Variants in DOCK11 observed in about 807,000 individuals in gnomAD.
DOCK11 encodes the protein dedicator of cytokinesis protein 11.
Under a neutral mutation model 169.1 loss-of-function variants are expected in DOCK11, and 70 were observed. The ratio of observed to expected loss-of-function variants is 0.41; its 90% CI spans 0.34 to 0.51. DOCK11 has a LOEUF of 0.51. Among genes scored for constraint, DOCK11 ranks in the 20% least tolerant of loss-of-function variants. The pLI, the probability that DOCK11 is intolerant of heterozygous loss-of-function variation, is 0.10. For synonymous variants in DOCK11, 529 were observed against 541.3 expected (o/e 0.98, Z 0.32); for missense variants, 1,166 against 1,538.8 (o/e 0.76, Z 4.05).
intron 1 of DOCK11, among the ~76,000 whole-genome samples, chrX:118,501,093 T>C (rs1433734228): frequency 6.2e-5 from 7 of 112,379 alleles, no homozygotes; most frequent in African/African-American, 1.6e-4. Context: ...TTGTTTGATA[T>C]TTTGATAGTT....
intron 36 of DOCK11, 51 bp downstream of exon 36, chrX:118,636,463 T>C (rs761030395): frequency 3.0e-6 from 2 of 671,300 alleles, no homozygotes; most frequent in African/African-American, 4.5e-5. Flanking sequence ...TTGGGGAGAA[T>C]TCAACTGTTA....
chrX:118,513,697 GTTTAA>G (rs1166669771), intron 1 of DOCK11, among the ~76,000 whole-genome samples: 5 of 112,406 alleles, frequency 4.4e-5, no homozygotes, highest in African/African-American at 1.6e-4. Flanking sequence ...TTTCTGCTGG[GTTTAA>G]TTGGGAAAGA....
intron 16 of DOCK11, among the ~76,000 whole-genome samples, chrX:118,587,407 A>G (rs749299523): frequency 1.8e-5 from 2 of 111,961 alleles, no homozygotes; most frequent in African/African-American, 6.5e-5. Context: ...TGTTATAGGC[A>G]TGTATCACTG....
chrX:118,675,902 AAAC>A (rs1405797842), intron 46 of DOCK11, 31 bp from the exon 47 acceptor site: 3 of 911,758 alleles, frequency 3.3e-6, no homozygotes, highest in African/African-American at 2.0e-5. Flanking sequence ...ATTAAACAAA[AAAC>A]AAAGCTGATT....
At chrX:118,527,246 C>T (rs767530110) in intron 1 of DOCK11, among the ~76,000 whole-genome samples, 10 of 112,669 alleles carry the variant, frequency 8.9e-5, no homozygotes, top group Admixed American at 1.9e-4. Flanking sequence ...ACTATAATTA[C>T]ATCTGCTTTT....
At chrX:118,657,072 A>G (rs563943733) in intron 44 of DOCK11, among the ~76,000 whole-genome samples, 41 of 112,200 alleles carry the variant, frequency 3.7e-4, no homozygotes, top group African/African-American at 1.1e-3. Flanking sequence ...GTGCAGAGAC[A>G]TTAAAGCTAA....
rs1556332589 is a variant in DOCK11 at position 118,648,606 on chromosome X, A to AATATATAATATATAACAC, written c.4399-324_4399-323insCACATATATAATATATAA. On this transcript the variant is annotated intron_variant, in intron 40 of 52. Coordinates refer to ENST00000276202, the MANE Select transcript of DOCK11 (RefSeq NM_144658.4). ...AAATATATAATATATATAATATATT[A>AATATATAATATATAACAC]ATATATAATATATAATACATATATA... 6.2e-5 allele frequency among the ~76,000 whole-genome samples: 6 copies of AATATATAATATATAACAC among 97,505 alleles called. No homozygotes were observed. The Admixed American group carries it at 7.5e-4, about 12-fold the overall frequency. 84.7% of individuals were successfully genotyped at this position (97,505 alleles called of 115,157 possible).
intron 12 of DOCK11, among the ~76,000 whole-genome samples, chrX:118,577,612 C>T (rs1451350404): frequency 1.8e-5 from 2 of 111,661 alleles, no homozygotes; most frequent in Admixed American, 9.6e-5. Context: ...TCAGCCATTA[C>T]GCAGGATCCT....
chrX:118,561,184 C>T (rs1365059440), intron 6 of DOCK11, among the ~76,000 whole-genome samples, 199 bp from the exon 7 acceptor site: 1 of 111,749 alleles, frequency 8.9e-6, no homozygotes, highest in Non-Finnish European at 1.9e-5. Flanking sequence ...ATTTGATTAA[C>T]TGAGGGTAAA....
intron 1 of DOCK11, among the ~76,000 whole-genome samples, chrX:118,519,137 G>A (rs377574070): frequency 9.0e-5 from 10 of 111,626 alleles, no homozygotes; most frequent in East Asian, 8.4e-4. Context: ...TGACTTGTTC[G>A]GCATAATTAT....
At chrX:118,518,441 C>A (rs1158392227) in intron 1 of DOCK11, among the ~76,000 whole-genome samples, 1 of 111,578 alleles carries the variant, frequency 9.0e-6, no homozygotes, top group African/African-American at 3.3e-5. Flanking sequence ...GTTTGGTGGT[C>A]TCTGCCTGTA....
In DOCK11 at chrX:118,632,196, G is replaced by A. The variant is rs184764323; in HGVS notation, c.3886+1706G>A. ...TCTCGATCTCCTGACCTCGTGATCC[G>A]CCCACCTCGGCCTCCCAAAGTGCTG... On this transcript the variant is annotated intron_variant, in intron 35 of 52. Transcript: ENST00000276202. 3.1e-3 allele frequency among the ~76,000 whole-genome samples: 347 copies of A among 110,989 alleles called. 3 individuals carry two copies. The highest frequency in any genetic ancestry group is 0.011 in the African/African-American group (321 of 30,546).
At chrX:118,527,275 T>A (rs1414728436) in intron 1 of DOCK11, among the ~76,000 whole-genome samples, 1 of 112,462 alleles carries the variant, frequency 8.9e-6, no homozygotes, top group African/African-American at 3.2e-5. Flanking sequence ...TTGATATAGA[T>A]CCAGTCATTT....
At chrX:118,515,524 C>T (rs1172956501) in intron 1 of DOCK11, among the ~76,000 whole-genome samples, 1 of 111,363 alleles carries the variant, frequency 9.0e-6, no homozygotes, top group East Asian at 2.8e-4. Flanking sequence ...TGAGCCACTG[C>T]ACCCAGCCAA....
chrX:118,626,831 T>G (rs1037260965), intron 32 of DOCK11, among the ~76,000 whole-genome samples: 4 of 112,590 alleles, frequency 3.6e-5, no homozygotes, highest in Non-Finnish European at 7.5e-5. Context: ...TTTGGAAATA[T>G]TTCACTTCTC....
At chrX:118,513,047 T>G (rs1046183203) in intron 1 of DOCK11, among the ~76,000 whole-genome samples, 1 of 111,997 alleles carries the variant, frequency 8.9e-6, no homozygotes, top group Non-Finnish European at 1.9e-5. Flanking sequence ...CACTGCCACC[T>G]TCCAGGAAAC....
At chrX:118,532,778 C>T (rs2011627757) in intron 1 of DOCK11, among the ~76,000 whole-genome samples, 1 of 52,059 alleles carries the variant, frequency 1.9e-5, no homozygotes, top group Admixed American at 2.4e-4. Flanking sequence ...GAGACTCTGT[C>T]TCAAAAAAAA....
In DOCK11 at chrX:118,523,056, G is replaced by A. The variant is rs557397644; in HGVS notation, c.103-19669G>A. Reference sequence around the variant, plus strand: ...ACAGTCATTGCTAAAATTAAATGAGGTAACGCATGTAATGCATTTCGCATA... The same window carrying A: ...ACAGTCATTGCTAAAATTAAATGAGATAACGCATGTAATGCATTTCGCATA... On this transcript the variant is annotated intron_variant, in intron 1 of 52. Transcript: ENST00000276202. 1.6e-4 allele frequency among the ~76,000 whole-genome samples: 18 copies of A among 112,496 alleles called. No individual in the cohort carries two copies. The South Asian group carries it at 5.8e-3, about 36-fold the overall frequency.
chrX:118,669,862 T>A (rs543896048), intron 45 of DOCK11, among the ~76,000 whole-genome samples: 1 of 111,569 alleles, frequency 9.0e-6, no homozygotes. Context: ...TAAGAGTTGT[T>A]CCTTGACTTC....
Sources: gnomAD v4.1 joint callset for allele counts (sites outside exome capture counted in the v4.1 genomes callset) on GRCh38, gnomAD v4.1.1 for gene constraint, MANE v1.5 for transcripts, NCBI Gene and HGNC (gene_info 2026-07-23, HGNC 2026-07-21) for gene names.